TRPM2: variants seen among roughly 807,000 people sequenced by gnomAD.
TRPM2 encodes estrogen-responsive element-associated gene 1 protein.
In TRPM2, 161 loss-of-function variants were observed where a neutral mutation model predicts 174.0. That is an observed-to-expected ratio of 0.93 (90% CI 0.81 to 1.05). The LOEUF is 1.05. TRPM2 is among the 50% of genes least tolerant of loss of function. The pLI, the probability that TRPM2 is intolerant of heterozygous loss-of-function variation, is 0.00. For synonymous variants in TRPM2, 954 were observed against 861.3 expected (o/e 1.11, Z -1.88); for missense variants, 2,057 against 2,038.0 (o/e 1.01, Z -0.18).
intron 20 of TRPM2, 123 bp downstream of exon 20, chr21:44,414,197 C>G (rs1029500734): frequency 1.6e-6 from 2 of 1,266,170 alleles, no homozygotes; most frequent in Admixed American, 1.9e-5. Context: ...CACAGAGGCG[C>G]GTCACTCATA....
At chr21:44,403,982 A>G (rs921287384) in intron 16 of TRPM2, among the ~76,000 whole-genome samples, 2 of 151,956 alleles carry the variant, frequency 1.3e-5, no homozygotes, top group Admixed American at 1.3e-4. Context: ...GCACATACAC[A>G]TGCATACACA....
chr21:44,363,048 A>G (rs966909717), intron 2 of TRPM2, among the ~76,000 whole-genome samples: 1 of 152,232 alleles, frequency 6.6e-6, no homozygotes, highest in African/African-American at 2.4e-5. Flanking sequence ...CTGGGATTAT[A>G]GGCGTGAGCC....
chr21:44,397,671 T>G, intron 12 of TRPM2, 76 bp from the exon 13 acceptor site: 2 of 1,465,550 alleles, frequency 1.4e-6, no homozygotes, highest in Non-Finnish European at 1.8e-6. Context: ...TTTCATCACC[T>G]GGGGCAGTGT....
intron 5 of TRPM2, among the ~76,000 whole-genome samples, chr21:44,373,527 CTCT>C (rs1396659576): frequency 6.6e-5 from 10 of 152,100 alleles, no homozygotes; most frequent in Admixed American, 5.9e-4. Context: ...AACAGTGAAT[CTCT>C]TTTCATTTTC....
At position 44,380,371 on chromosome 21, in the gene TRPM2, C is replaced by T. The variant is rs146717275; in HGVS notation, c.1215+1174C>T. ...GGCCGCTCAGCTCCCCATGTCAGGGCGGCTTTCCTTCCTTCCCGGTGCCAT... is the reference window on the plus strand; with the variant it reads ...GGCCGCTCAGCTCCCCATGTCAGGGTGGCTTTCCTTCCTTCCCGGTGCCAT... On this transcript the variant is annotated intron_variant, in intron 8 of 31. Transcript: ENST00000397928. Among the ~76,000 whole-genome samples the T allele has an allele frequency of 1.2e-3, 188 of 152,330 alleles. 1 individual carries two copies. The highest frequency in any genetic ancestry group is 8.5e-4 in the Non-Finnish European group (58 of 68,022).
chr21:44,440,737 G>C (rs2051467845), intron 30 of TRPM2, 52 bp from the exon 31 acceptor site: 2 of 1,507,032 alleles, frequency 1.3e-6, no homozygotes, highest in Admixed American at 3.3e-5. Flanking sequence ...GTGGGCCGGG[G>C]CACCGCTCAG....
intron 9 of TRPM2, among the ~76,000 whole-genome samples, chr21:44,388,623 T>A: frequency 7.9e-6 from 1 of 125,804 alleles, no homozygotes. Flanking sequence ...GAGCCCAGCC[T>A]AGGCAACATG....
At chr21:44,436,564 CGTCACCCCCAT>C (rs1293356727) in intron 28 of TRPM2, among the ~76,000 whole-genome samples, 3 of 134,906 alleles carry the variant, frequency 2.2e-5, no homozygotes, top group African/African-American at 2.9e-5. Flanking sequence ...TGGCACCCCA[CGTCACCCCCAT>C]GTCACCCCCA....
intron 23 of TRPM2, among the ~76,000 whole-genome samples, 192 bp from the exon 24 acceptor site, chr21:44,424,660 G>A (rs1177604753): frequency 6.6e-6 from 1 of 152,100 alleles, no homozygotes; most frequent in African/African-American, 2.4e-5. Flanking sequence ...GAGCCGGGTG[G>A]GCCTGGGGCA....
Position 44,399,547 on chromosome 21 carries a change from G to GGCCCTCAGCAGCTCGGGGACAGC in TRPM2, c.2208+110_2208+132dup. 1 of 1,435,920 alleles carries GGCCCTCAGCAGCTCGGGGACAGC rather than the reference G, an allele frequency of 7.0e-7. No individual in the cohort carries two copies. The allele number at this position is 1,435,920 out of a possible 1,614,324, so 88.9% of individuals were successfully genotyped here. A position where few individuals can be genotyped will look rare whatever the true frequency, so the allele number is the denominator to read the frequency against. ...GCACGCACACTCACACAGGCTTCAG[G>GGCCCTCAGCAGCTCGGGGACAGC]GCCCTCAGCAGCTCGGGGACAGCGC... On this transcript the variant is annotated intron_variant, in intron 14 of 31. Transcript: ENST00000397928. The surrounding 1 kb of genome is among the most constrained non-coding windows in gnomAD (Gnocchi z 4.6).
At chr21:44,418,302 A>G in intron 21 of TRPM2, 121 bp from the exon 22 acceptor site, 1 of 1,436,750 alleles carries the variant, frequency 7.0e-7, no homozygotes, top group Non-Finnish European at 9.4e-7. Flanking sequence ...CAGGTGTGCG[A>G]TGGGCTCTTC....
chr21:44,418,388 T>A, intron 21 of TRPM2, 35 bp from the exon 22 acceptor site: 1 of 1,607,936 alleles, frequency 6.2e-7, no homozygotes, highest in Non-Finnish European at 8.5e-7. Flanking sequence ...TCCTGAGGAT[T>A]CCAGGTCCCC....
chr21:44,442,100 G>T lies in TRPM2; in HGVS notation c.*283G>T. ...GGCCATCAGGCGAGGGGCTGGGCCT[G>T]TGCAGCTGGGCCCTTGGCCAGAGTC... On this transcript the variant is annotated 3_prime_UTR_variant, in exon 32 of 32. Transcript: ENST00000397928. 3.0e-6 allele frequency: 1 copy of T among 337,712 alleles called. No homozygotes were observed. The highest frequency in any genetic ancestry group is 5.3e-6 in the Non-Finnish European group (1 of 189,662). 20.9% of individuals were successfully genotyped at this position (337,712 alleles called of 1,614,324 possible). A position where few individuals can be genotyped will look rare whatever the true frequency, so the allele number is the denominator to read the frequency against.
At chr21:44,403,659 A>G (rs2049718691) in intron 16 of TRPM2, among the ~76,000 whole-genome samples, 1 of 149,392 alleles carries the variant, frequency 6.7e-6, no homozygotes, top group Non-Finnish European at 1.5e-5. Flanking sequence ...ACATGCACAC[A>G]CATGCATACA....
At chr21:44,419,155 C>T (rs1314358644) in intron 22 of TRPM2, among the ~76,000 whole-genome samples, 2 of 152,188 alleles carry the variant, frequency 1.3e-5, no homozygotes, top group Admixed American at 6.5e-5. Context: ...CCCCCAGTGT[C>T]CTGCTCTCAG....
intron 19 of TRPM2, among the ~76,000 whole-genome samples, chr21:44,406,981 G>A (rs992676638): frequency 6.7e-6 from 1 of 150,116 alleles, no homozygotes; most frequent in South Asian, 2.1e-4. Context: ...GGCCTGGTGG[G>A]GGTGAGTGGT....
In TRPM2 at chr21:44,375,129, C is replaced by T. The variant is rs549698517; in HGVS notation, c.772-704C>T. 1.1e-4 allele frequency among the ~76,000 whole-genome samples: 17 copies of T among 152,286 alleles called. No homozygotes were observed. The South Asian group carries it at 1.7e-3, about 15-fold the overall frequency. On this transcript the variant is annotated intron_variant, in intron 5 of 31. Coordinates refer to ENST00000397928, the MANE Select transcript of TRPM2 (RefSeq NM_003307.4). ...TCCGCTATGTCGTCCAGGCTGGTCT[C>T]GAACTCCAGGGCTCAGGTGATCCTC...
At chr21:44,404,310 GCACATA>G (rs2049776827) in intron 16 of TRPM2, among the ~76,000 whole-genome samples, 1 of 151,162 alleles carries the variant, frequency 6.6e-6, no homozygotes, top group African/African-American at 2.4e-5. Flanking sequence ...ACACATACAT[GCACATA>G]CACATATACA....
intron 21 of TRPM2, 119 bp downstream of exon 21, chr21:44,418,227 G>A: frequency 7.0e-7 from 1 of 1,422,278 alleles, no homozygotes; most frequent in Non-Finnish European, 9.4e-7. Flanking sequence ...AGGTCACTCA[G>A]GCTGCTGGCC....
Sources: allele counts gnomAD v4.1 joint callset (sites outside exome capture counted in the v4.1 genomes callset), GRCh38; gene constraint gnomAD v4.1.1; non-coding constraint Gnocchi (gnomAD v3.1); transcripts MANE v1.5; gene names NCBI Gene and HGNC (gene_info 2026-07-23, HGNC 2026-07-21).